CRHBP: variants seen among roughly 807,000 people sequenced by gnomAD.
The protein encoded by CRHBP is corticotropin-releasing hormone-binding protein.
In CRHBP, 19 loss-of-function variants were observed where a neutral mutation model predicts 34.9. The observed-to-expected ratio is 0.55, with a 90% CI of 0.38 to 0.80. The LOEUF is 0.80. CRHBP is among the 30% of genes least tolerant of loss of function. The pLI, the probability that CRHBP is intolerant of heterozygous loss-of-function variation, is 0.00. For missense variants in CRHBP, 328 were observed against 409.2 expected, an observed-to-expected ratio of 0.80 and a Z score of 1.71; for synonymous variants, 154 against 153.4, an observed-to-expected ratio of 1.00 and a Z score of -0.03.
At position 76,953,586 on chromosome 5, in the gene CRHBP, T is replaced by C; in HGVS notation, c.82-15T>C. ...GCCCTTGAACTTTTCCGGACTGACC[T>C]ATGTTTCTTGCCAGCTGAGGGAAGC... On this transcript the variant is annotated splice_polypyrimidine_tract_variant and intron_variant, in intron 1 of 6. Coordinates refer to ENST00000274368, the MANE Select transcript of CRHBP (RefSeq NM_001882.4). 6.2e-7 allele frequency: 1 copy of C among 1,610,688 alleles called. No homozygotes were observed. The highest frequency in any genetic ancestry group is 1.3e-5 in the African/African-American group (1 of 74,998).
intron 2 of CRHBP, 152 bp from the exon 3 acceptor site, chr5:76,953,877 C>A: frequency 8.5e-7 from 1 of 1,174,810 alleles, no homozygotes; most frequent in Non-Finnish European, 1.2e-6. Context: ...GTGGCGCGCC[C>A]GGGGCGCAGG....
chr5:76,977,328 A>G (rs956339321), intron 3 of CRHBP, among the ~76,000 whole-genome samples: 1 of 152,210 alleles, frequency 6.6e-6, no homozygotes, highest in Non-Finnish European at 1.5e-5. Flanking sequence ...TGCGGATATT[A>G]TGTTTTCTAC....
At chr5:76,956,690 C>T (rs949473152) in intron 4 of CRHBP, among the ~76,000 whole-genome samples, 4 of 151,362 alleles carry the variant, frequency 2.6e-5, no homozygotes, top group Admixed American at 1.3e-4. Flanking sequence ...CGCCACTGCG[C>T]TCCAGCCGGG....
intron 6 of CRHBP, among the ~76,000 whole-genome samples, chr5:76,968,194 GTTT>G (rs1197546143): frequency 8.0e-6 from 1 of 124,798 alleles, no homozygotes; most frequent in African/African-American, 3.4e-5. Context: ...ATAAACAGGT[GTTT>G]TTTTTTGTTT....
At chr5:76,953,914 C>T (rs571590837) in intron 2 of CRHBP, 115 bp from the exon 3 acceptor site, 106 of 1,332,146 alleles carry the variant, frequency 8.0e-5, no homozygotes, top group Non-Finnish European at 1.1e-4. Flanking sequence ...GGCTGGAAGT[C>T]GGGGCGCTGG....
intron 4 of CRHBP, 142 bp from the exon 5 acceptor site, chr5:76,958,599 C>A: frequency 1.2e-6 from 1 of 859,726 alleles, no homozygotes; most frequent in Non-Finnish European, 1.7e-6. Context: ...CTCCAAATTG[C>A]TTTTGTGGTA....
rs114642073 is a variant in CRHBP at position 76,956,463 on chromosome 5, C to T, written c.544+600C>T. 9.9e-3 allele frequency among the ~76,000 whole-genome samples: 1,513 copies of T among 152,328 alleles called. 32 individuals are homozygous for T. The highest frequency in any genetic ancestry group is 0.034 in the African/African-American group (1,406 of 41,572). On this transcript the variant is annotated intron_variant, in intron 4 of 6. Coordinates refer to ENST00000274368, the MANE Select transcript of CRHBP (RefSeq NM_001882.4). The stretch of plus-strand genomic sequence containing the variant: ...TATCTTACTAAAAATATTTACTCCG[C>T]GGTGGCTCACGCCTGTAATCCCAGC...
chr5:76,975,825 A>ATATAT (rs1364805675), intron 2 of CRHBP, among the ~76,000 whole-genome samples: 3 of 61,860 alleles, frequency 4.8e-5, no homozygotes, highest in Non-Finnish European at 8.2e-5. Flanking sequence ...AAAAAAAAAA[A>ATATAT]ATATATATAT....
At chr5:76,959,814 A>C (rs1745747777) in intron 5 of CRHBP, among the ~76,000 whole-genome samples, 1 of 152,192 alleles carries the variant, frequency 6.6e-6, no homozygotes, top group Non-Finnish European at 1.5e-5. Context: ...TACTGGCTTG[A>C]TATTATTTGT....
At chr5:76,963,905 A>G (rs937880746) in intron 6 of CRHBP, among the ~76,000 whole-genome samples, 1 of 152,210 alleles carries the variant, frequency 6.6e-6, no homozygotes, top group African/African-American at 2.4e-5. Flanking sequence ...TAAACAACAA[A>G]GTGATAAGCT....
chr5:76,962,742 T>C (rs904463552), intron 5 of CRHBP, among the ~76,000 whole-genome samples: 4 of 152,172 alleles, frequency 2.6e-5, no homozygotes, highest in Non-Finnish European at 5.9e-5. Context: ...AGAAAGATCA[T>C]GGTAACTGTA....
At chr5:76,974,192 T>C (rs531183324), downstream of CRHBP, among the ~76,000 whole-genome samples, 1 of 151,834 alleles carries the variant, frequency 6.6e-6, no homozygotes, top group Non-Finnish European at 1.5e-5. Context: ...AATTTTTGTA[T>C]TTTTAGTAGA....
intron 5 of CRHBP, among the ~76,000 whole-genome samples, chr5:76,961,724 A>G (rs547525072): frequency 7.9e-5 from 12 of 151,990 alleles, no homozygotes; most frequent in Admixed American, 2.0e-4. Context: ...TTGTATTCCA[A>G]TGCTCTTCTG....
Position 76,958,787 on chromosome 5 carries a change from A to G in CRHBP, c.591A>G (p.Val197=). The G allele has an allele frequency of 1.2e-6, 2 of 1,613,886 alleles. No individual in the cohort carries two copies. Among genetic ancestry groups the G allele is most frequent in the South Asian group, 1.1e-5 (1 of 90,956 alleles). The change falls in exon 5 of 7, where the codon GTA becomes GTG. Residue 197 remains valine (V), a synonymous_variant. Transcript: ENST00000274368. ...CTCCAAATGGAAAGTTTACCCTGGTAGTTCCACACCAGCATCGAAACTGCA... is the reference window on the plus strand; with the variant it reads ...CTCCAAATGGAAAGTTTACCCTGGTGGTTCCACACCAGCATCGAAACTGCA... The part of the protein sequence containing the change: ...SQTPNGKFTL[V]VPHQHRNCSF...
At chr5:76,956,290 C>T (rs1448676861) in intron 4 of CRHBP, among the ~76,000 whole-genome samples, 2 of 152,106 alleles carry the variant, frequency 1.3e-5, no homozygotes, top group Non-Finnish European at 2.9e-5. Flanking sequence ...ATGTGGTAGA[C>T]CGATGTCATG....
chr5:76,973,510 T>C (rs897458035), downstream of CRHBP, among the ~76,000 whole-genome samples: 2 of 152,216 alleles, frequency 1.3e-5, no homozygotes, highest in Admixed American at 6.5e-5. Context: ...GGATAACTCC[T>C]GCTATTGGAT....
In CRHBP at chr5:76,956,032, A is replaced by C. The variant is rs556178047; in HGVS notation, c.544+169A>C. Among the ~76,000 whole-genome samples, 3 of 152,342 alleles carry C rather than the reference A, an allele frequency of 2.0e-5. No homozygotes were observed. The South Asian group carries it at 6.2e-4, about 32-fold the overall frequency. ...GTTTCTATTCTTTATTATGAAAATC[A>C]AATCACAGTTTTTAATTTATTTCCC... On this transcript the variant is annotated intron_variant, in intron 4 of 6. Transcript: ENST00000274368.
intron 5 of CRHBP, among the ~76,000 whole-genome samples, chr5:76,959,669 G>A (rs1339210351): frequency 2.0e-5 from 3 of 152,114 alleles, no homozygotes; most frequent in South Asian, 2.1e-4. Flanking sequence ...AATAGAACTA[G>A]GACTGAGAAA....
chr5:76,953,376 G>T (rs2150703588), intron 1 of CRHBP, 161 bp downstream of exon 1: 2 of 824,938 alleles, frequency 2.4e-6, no homozygotes, highest in Non-Finnish European at 2.0e-6. Context: ...CTCCCTCCTT[G>T]CCTCTGAGCA....
Sources: gnomAD v4.1 joint callset for allele counts (sites outside exome capture counted in the v4.1 genomes callset) on GRCh38, gnomAD v4.1.1 for gene constraint, MANE v1.5 for transcripts, NCBI Gene and HGNC (gene_info 2026-07-23, HGNC 2026-07-21) for gene names.